The following CES5A variants were observed in gnomAD, a reference collection of about 807,000 sequenced individuals.
The protein encoded by CES5A is carboxylesterase 5.
In CES5A, 67 loss-of-function variants were observed where a neutral mutation model predicts 62.9. The ratio of observed to expected loss-of-function variants is 1.07; its 90% CI spans 0.88 to 1.31. The LOEUF (loss-of-function observed/expected upper bound fraction) is 1.31. Ranked by LOEUF, CES5A falls within the 50% of genes most tolerant of loss-of-function variation. The probability of loss-of-function intolerance (pLI) is 0.00; values close to 1 mark genes in which losing one functional copy is unlikely to be tolerated. For missense variants in CES5A, 748 were observed against 708.5 expected (o/e 1.06, Z -0.63); for synonymous variants, 296 against 280.8 (o/e 1.05, Z -0.54).
intron 1 of CES5A, among the ~76,000 whole-genome samples, chr16:55,925,017 A>G (rs1271719123): frequency 2.0e-5 from 3 of 152,070 alleles, no homozygotes; most frequent in Non-Finnish European, 2.9e-5. Context: ...ATAGACAAAT[A>G]GGATTAGATT....
intron 9 of CES5A, among the ~76,000 whole-genome samples, chr16:55,854,544 C>CTTATTTTTTTT (rs2033200088): frequency 1.6e-5 from 1 of 64,416 alleles, no homozygotes; most frequent in Non-Finnish European, 2.6e-5. Context: ...TTTTTTTTTT[C>CTTATTTTTTTT]TTTTTTTTTT....
upstream of CES5A, among the ~76,000 whole-genome samples, chr16:55,880,238 T>C (rs2033747155): frequency 6.6e-6 from 1 of 152,190 alleles, no homozygotes. Flanking sequence ...GGTTGGGCCC[T>C]GGCTTTCTAT....
Position 55,861,519 on chromosome 16 carries a change from A to T in CES5A, c.811-3T>A, listed in dbSNP as rs538262207. The T allele has an allele frequency of 6.2e-7, 1 of 1,602,948 alleles. No homozygotes were observed. Among genetic ancestry groups the T allele is most frequent in the Non-Finnish European group, 8.5e-7 (1 of 1,169,850 alleles). On this transcript the variant is annotated splice_polypyrimidine_tract_variant and splice_region_variant and intron_variant, in intron 6 of 12. Transcript: ENST00000290567. ...CAGAAATGTGCAACCACCTGCAGCT[A>T]TTTTGTAGAGAAGGACCGGGTTAGA...
chr16:55,901,396 G>T (rs1166271532), intron 1 of CES5A, among the ~76,000 whole-genome samples: 1 of 152,148 alleles, frequency 6.6e-6, no homozygotes, highest in Admixed American at 6.6e-5. Flanking sequence ...GAAAGGAAGG[G>T]AAATAAAGCC....
At chr16:55,891,665 A>T (rs1322691942) in intron 1 of CES5A, among the ~76,000 whole-genome samples, 2 of 152,144 alleles carry the variant, frequency 1.3e-5, no homozygotes, top group African/African-American at 4.8e-5. Context: ...TATCTCAGTG[A>T]GCAGAGGGAT....
chr16:55,883,067 G>A (rs369568461), intron 1 of CES5A, among the ~76,000 whole-genome samples: 46 of 152,290 alleles, frequency 3.0e-4, no homozygotes, highest in Middle Eastern at 3.4e-3. Context: ...TGCAGCATAC[G>A]TTATAGCAGA....
chr16:55,862,772 T>C (rs1188433245), intron 6 of CES5A, among the ~76,000 whole-genome samples: 1 of 152,220 alleles, frequency 6.6e-6, no homozygotes, highest in Non-Finnish European at 1.5e-5. Context: ...AACTCATTCA[T>C]CCGGAACACT....
At chr16:55,909,859 T>C (rs1192643046) in intron 1 of CES5A, among the ~76,000 whole-genome samples, 1 of 152,212 alleles carries the variant, frequency 6.6e-6, no homozygotes, top group South Asian at 2.1e-4. Flanking sequence ...ATGAGGGATC[T>C]GGACCAGATG....
chr16:55,891,964 C>A (rs1002036755), intron 1 of CES5A, among the ~76,000 whole-genome samples: 1 of 152,158 alleles, frequency 6.6e-6, no homozygotes, highest in Non-Finnish European at 1.5e-5. Flanking sequence ...GGGAAATTTA[C>A]GTCTGTAAAG....
intron 1 of CES5A, among the ~76,000 whole-genome samples, chr16:55,953,537 C>T (rs1333366262): frequency 1.3e-5 from 2 of 151,620 alleles, no homozygotes; most frequent in African/African-American, 4.8e-5. Context: ...ATTTTATGAC[C>T]CTATTCACAA....
chr16:55,880,521 C>T (rs2033750864), intron 1 of CES5A, among the ~76,000 whole-genome samples: 1 of 152,188 alleles, frequency 6.6e-6, no homozygotes, highest in African/African-American at 2.4e-5. Context: ...ATCCCTGCCT[C>T]AGGCTCTGCT....
At chr16:55,929,249 C>T (rs549024571), upstream of CES5A, among the ~76,000 whole-genome samples, 1 of 152,252 alleles carries the variant, frequency 6.6e-6, no homozygotes, top group Non-Finnish European at 1.5e-5. Flanking sequence ...TTCCCACTCT[C>T]CTGGTAAAAT....
intron 6 of CES5A, among the ~76,000 whole-genome samples, chr16:55,861,818 T>A (rs1263121635): frequency 1.3e-5 from 2 of 152,144 alleles, no homozygotes; most frequent in African/African-American, 4.8e-5. Flanking sequence ...CACAAAGAGA[T>A]CAGTCCTGTG....
chr16:55,850,940 T>G (rs539997668), intron 10 of CES5A, among the ~76,000 whole-genome samples: 1 of 152,214 alleles, frequency 6.6e-6, no homozygotes, highest in African/African-American at 2.4e-5. Context: ...ATATGACACA[T>G]GCAAAAGAAT....
intron 1 of CES5A, among the ~76,000 whole-genome samples, chr16:55,905,483 C>G (rs1468289163): frequency 6.6e-6 from 1 of 152,024 alleles, no homozygotes. Flanking sequence ...TCTCCTGCCT[C>G]AGCCTCCTGA....
intron 1 of CES5A, chr16:55,925,195 C>T (rs1342084738): frequency 1.3e-5 from 2 of 151,920 alleles, no homozygotes; most frequent in Non-Finnish European, 2.9e-5. Flanking sequence ...TAAAAATGGG[C>T]AAATGATCTG....
At chr16:55,863,483 G>C (rs188349582) in intron 5 of CES5A, 31 bp from the exon 6 acceptor site, 1 of 1,118,224 alleles carries the variant, frequency 8.9e-7, no homozygotes, top group East Asian at 2.3e-5. Flanking sequence ...ACCCAGGAAA[G>C]GTTACTCCCC....
chr16:55,899,840 T>C (rs764513524), intron 1 of CES5A, among the ~76,000 whole-genome samples: 31 of 152,324 alleles, frequency 2.0e-4, no homozygotes, highest in Non-Finnish European at 4.0e-4. Flanking sequence ...GAGAAACCCT[T>C]GGCTAAACAT....
chr16:55,939,963 T>C (rs563797292), intron 2 of CES5A, among the ~76,000 whole-genome samples: 1 of 151,936 alleles, frequency 6.6e-6, no homozygotes, highest in Non-Finnish European at 1.5e-5. Flanking sequence ...TGAGAAAATA[T>C]TTGAACTGAA....
Sources: gnomAD v4.1 joint callset for allele counts (sites outside exome capture counted in the v4.1 genomes callset) on GRCh38, gnomAD v4.1.1 for gene constraint, MANE v1.5 for transcripts, NCBI Gene and HGNC (gene_info 2026-07-23, HGNC 2026-07-21) for gene names.